PWWP2A: variants seen among roughly 807,000 people sequenced by gnomAD.
The protein encoded by PWWP2A is PWWP domain-containing protein 2A.
Under a neutral mutation model 48.5 loss-of-function variants are expected in PWWP2A, and 18 were observed. The observed-to-expected ratio is 0.37, with a 90% CI of 0.26 to 0.55. The LOEUF is 0.55. PWWP2A is among the 20% of genes least tolerant of loss of function. The pLI is 0.81. For missense variants in PWWP2A, 867 were observed against 976.4 expected, an observed-to-expected ratio of 0.89 and a Z score of 1.49; for synonymous variants, 396 against 387.7, an observed-to-expected ratio of 1.02 and a Z score of -0.25.
intron 1 of PWWP2A, among the ~76,000 whole-genome samples, chr5:160,098,477 C>T (rs1408853280): frequency 1.3e-5 from 2 of 152,190 alleles, no homozygotes; most frequent in African/African-American, 4.8e-5. Flanking sequence ...CACCCTTACA[C>T]AGATAACACC....
chr5:160,099,279 A>C (rs1756005680), intron 1 of PWWP2A, among the ~76,000 whole-genome samples: 2 of 152,178 alleles, frequency 1.3e-5, no homozygotes, highest in Non-Finnish European at 2.9e-5. Context: ...GTTGAGTAAT[A>C]AGATACCCTA....
Position 160,091,571 on chromosome 5 carries a change from G to C in PWWP2A, c.*811C>G, listed in dbSNP as rs1323625002. ...ACTGGGACATATCCTAAGAATTTAGGAACAGCCAGTCAGGAGAAATCTGAC... is the reference window on the plus strand; with the variant it reads ...ACTGGGACATATCCTAAGAATTTAGCAACAGCCAGTCAGGAGAAATCTGAC... On this transcript the variant is annotated 3_prime_UTR_variant, in exon 2 of 2. Transcript: ENST00000307063. 2 of 981,432 alleles carry C rather than the reference G, an allele frequency of 2.0e-6. No homozygotes were observed. Among genetic ancestry groups the C allele is most frequent in the Non-Finnish European group, 2.4e-6 (2 of 828,458 alleles). 60.8% of individuals were successfully genotyped at this position (981,432 alleles called of 1,614,324 possible). A position where few individuals can be genotyped will look rare whatever the true frequency, so the allele number is the denominator to read the frequency against.
rs1328075853 is a variant in PWWP2A, at chr5:160,118,977, G to A, written c.412C>T (p.Pro138Ser). 2 of 1,598,400 alleles carry A rather than the reference G, an allele frequency of 1.3e-6. No individual in the cohort carries two copies. Among genetic ancestry groups the A allele is most frequent in the South Asian group, 1.1e-5 (1 of 89,732 alleles). The change falls in exon 1 of 2, where the codon CCC becomes TCC. Residue 138 changes from proline to serine, a missense_variant. This residue lies in a region of PWWP2A where 385 missense variants were observed against 396.9 expected (regional missense o/e 0.97). Transcript: ENST00000307063. ...EEREEPPLPQ[P>S]VAPALVPPAG... ...GGCGGCACGAGCGCCGGGGCTACGG[G>A]CTGAGGCAGCGGCGGCTCCTCGCGC...
chr5:160,052,548 CAAAAAAAAAAAAA>C, the PWWP2A span, among the ~76,000 whole-genome samples: 18 of 68,096 alleles, frequency 2.6e-4, no homozygotes, highest in South Asian at 7.3e-4. Flanking sequence ...TCTATTTTAG[CAAAAAAAAAAAAA>C]AAAAAAAAAA....
rs200641621 is a variant in PWWP2A, at chr5:160,080,656, C to T, written c.1664G>A (p.Arg555Gln). ...AGGGCTTAAAACAGACAGACCTGCC[C>T]GTTTCACTGTTAACTTCAATGCTCC... The change falls in exon 3 of 4, where the codon CGG becomes CAG. Residue 555 changes from arginine (R) to glutamine (Q), a missense_variant. Transcript: ENST00000456329. 1.5e-4 allele frequency: 237 copies of T among 1,548,964 alleles called. 1 individual carries two copies. The African/African-American group carries it at 2.4e-3, about 16-fold the overall frequency.
chr5:160,114,656 G>T lies in PWWP2A; in HGVS notation c.584+4149C>A, dbSNP rs184225636. 5.3e-5 allele frequency among the ~76,000 whole-genome samples: 8 copies of T among 151,394 alleles called. No individual in the cohort carries two copies. The East Asian group carries it at 1.2e-3, about 22-fold the overall frequency. Reference sequence around the variant, plus strand: ...AGCATGCCTGTAATCCCAGCTACTTGGGAGGCTGAGGCGGAACAATCACTT... The same window carrying T: ...AGCATGCCTGTAATCCCAGCTACTTTGGAGGCTGAGGCGGAACAATCACTT... On this transcript the variant is annotated intron_variant, in intron 1 of 1. Transcript: ENST00000307063.
At position 160,092,830 on chromosome 5, in the gene PWWP2A, G is replaced by C; in HGVS notation, c.1820C>G (p.Pro607Arg). The C allele has an allele frequency of 6.4e-7, 1 of 1,551,658 alleles. No individual in the cohort carries two copies. Among genetic ancestry groups the C allele is most frequent in the Non-Finnish European group, 8.7e-7 (1 of 1,146,984 alleles). The stretch of plus-strand genomic sequence containing the variant: ...GGAAGGTGCATGCATACTGCCTGGA[G>C]GAAAATCAAAGCTTTCAGAAGAACT... The part of the protein sequence containing the change: ...ECSSSESFDF[P>R]PGSMHAPSTS... Residue 607 changes from proline to arginine, a missense_variant, in exon 2 of 2, where the codon CCT (proline) becomes CGT (arginine). Physicochemically the swap from Pro to Arg is moderately radical, Grantham distance 103 (BLOSUM62 -2). Transcript: ENST00000307063.
intron 1 of PWWP2A, among the ~76,000 whole-genome samples, chr5:160,103,834 A>C (rs1178188348): frequency 6.6e-6 from 1 of 152,100 alleles, no homozygotes; most frequent in Non-Finnish European, 1.5e-5. Context: ...TCTTAATAAG[A>C]AGGCTGGCTG....
the PWWP2A span, among the ~76,000 whole-genome samples, chr5:160,045,504 ACACACACACATACACACTCTCTCT>A: frequency 1.1e-5 from 1 of 95,140 alleles, no homozygotes; most frequent in African/African-American, 4.1e-5. Context: ...ACACACACAC[ACACACACACATACACACTCTCTCT>A]CTCTCTCTCT....
the PWWP2A span, among the ~76,000 whole-genome samples, chr5:160,049,286 A>G: frequency 6.6e-6 from 1 of 152,174 alleles, no homozygotes; most frequent in Non-Finnish European, 1.5e-5. Flanking sequence ...TCGTGCTACA[A>G]TAGTATCATT....
At position 160,093,668 on chromosome 5, in the gene PWWP2A, T is replaced by G. The variant is rs1755318621; in HGVS notation, c.982A>C (p.Ser328Arg). 6.2e-7 allele frequency: 1 copy of G among 1,614,054 alleles called. No individual in the cohort carries two copies. Among genetic ancestry groups the G allele is most frequent in the Non-Finnish European group, 8.5e-7 (1 of 1,179,890 alleles). The change falls in exon 2 of 2, where the codon AGT becomes CGT. Residue 328 changes from serine to arginine, a missense_variant. This residue lies in a region of PWWP2A where 382 missense variants were observed against 407.2 expected (regional missense o/e 0.94). Coordinates refer to ENST00000307063, the MANE Select transcript of PWWP2A (RefSeq NM_001130864.2). The surrounding 1 kb of genome is among the most constrained non-coding windows in gnomAD (Gnocchi z 5.8). ...ATTTCCTTTTTTTCAGCAACAACAC[T>G]GTTTTTACATTTATCACACAGAACT... ...RQVLCDKCKN[S>R]VVAEKKEIRK...
the PWWP2A span, among the ~76,000 whole-genome samples, chr5:160,055,387 G>A: frequency 2.6e-5 from 4 of 152,208 alleles, no homozygotes; most frequent in African/African-American, 9.6e-5. Context: ...TAACGGGGAA[G>A]CCCTACCCAG....
At chr5:160,074,058 C>T (rs1753808390), downstream of PWWP2A, among the ~76,000 whole-genome samples, 1 of 143,864 alleles carries the variant, frequency 7.0e-6, no homozygotes, top group South Asian at 2.2e-4. Flanking sequence ...GAGTGAGACT[C>T]CGTTTCAAAA....
Position 160,092,822 on chromosome 5 carries a change from T to C in PWWP2A, c.1828A>G (p.Ser610Gly). The change falls in exon 2 of 2, where the codon AGT (serine) becomes GGT (glycine). Residue 610 changes from serine (S) to glycine (G), a missense_variant. This residue lies in a region of PWWP2A where 382 missense variants were observed against 407.2 expected (regional missense o/e 0.94). Coordinates refer to ENST00000307063, the MANE Select transcript of PWWP2A (RefSeq NM_001130864.2). ...SSESFDFPPG[S>G]MHAPSTSSTS... ...GAGGAGGTGGAAGGTGCATGCATAC[T>C]GCCTGGAGGAAAATCAAAGCTTTCA... 3.2e-6 allele frequency: 5 copies of C among 1,551,690 alleles called. No homozygotes were observed. Among genetic ancestry groups the C allele is most frequent in the Non-Finnish European group, 2.6e-6 (3 of 1,146,988 alleles).
downstream of PWWP2A, among the ~76,000 whole-genome samples, chr5:160,057,173 C>G (rs2113410728): frequency 6.6e-6 from 1 of 152,300 alleles, no homozygotes; most frequent in African/African-American, 2.4e-5. This position sits in a 1 kb window ranked among gnomAD's most constrained non-coding sequence, Gnocchi z 4.4. Context: ...AATTGCTATC[C>G]TGAGGCTTCT....
In PWWP2A at chr5:160,118,911, A is replaced by T. The variant is rs779282050; in HGVS notation, c.478T>A (p.Ser160Thr). 6.2e-7 allele frequency: 1 copy of T among 1,601,988 alleles called. No homozygotes were observed. Among genetic ancestry groups the T allele is most frequent in the South Asian group, 1.1e-5 (1 of 89,728 alleles). ...TGGTCCAGCGTGACCCGCACCTCCG[A>T]GCCCGGGATCAGTTGCGACACCGTG... ...DSTVSQLIPG[S>T]EVRVTLDHII... The change falls in exon 1 of 2, where the codon TCG becomes ACG. Residue 160 changes from serine to threonine, a missense_variant. Ser to Thr is a moderately conservative substitution (Grantham distance 58). Transcript: ENST00000307063.
chr5:160,050,991 T>C, the PWWP2A span: 1 of 568,490 alleles, frequency 1.8e-6, no homozygotes, highest in Non-Finnish European at 2.9e-6. Context: ...TTTTTTTTTA[T>C]TTAATAGGAT....
In PWWP2A at chr5:160,119,405, C is replaced by A. The variant is rs1758496029; in HGVS notation, c.-17G>T. On this transcript the variant is annotated 5_prime_UTR_variant, in exon 1 of 2. Coordinates refer to ENST00000307063, the MANE Select transcript of PWWP2A (RefSeq NM_001130864.2). The stretch of plus-strand genomic sequence containing the variant: ...GGCCGCCATTTTCTTCCTAGCTTCT[C>A]CCTCCTCCAACTCCGGCTGCAGCGG... The A allele has an allele frequency of 3.7e-6, 5 of 1,359,852 alleles. No individual in the cohort carries two copies. The highest frequency in any genetic ancestry group is 4.7e-6 in the Non-Finnish European group (5 of 1,062,610). The allele number at this position is 1,359,852 out of a possible 1,614,324, so 84.2% of individuals were successfully genotyped here.
At chr5:160,058,661 T>C (rs984571162), downstream of PWWP2A, among the ~76,000 whole-genome samples, 2 of 152,150 alleles carry the variant, frequency 1.3e-5, no homozygotes, top group African/African-American at 2.4e-5. Context: ...TCCACCCACC[T>C]CAGCCTCCCA....
Sources: allele counts gnomAD v4.1 joint callset (sites outside exome capture counted in the v4.1 genomes callset), GRCh38; gene constraint gnomAD v4.1.1; regional missense constraint gnomAD v4.1.1; non-coding constraint Gnocchi (gnomAD v3.1); transcripts MANE v1.5; gene names NCBI Gene and HGNC (gene_info 2026-07-23, HGNC 2026-07-21).